ONECUT1: variants seen among roughly 807,000 people sequenced by gnomAD.
ONECUT1 encodes one cut homeobox 1, also known as hepatocyte nuclear factor 6.
A neutral mutation model predicts 25.6 loss-of-function variants in ONECUT1; 12 were observed. The ratio of observed to expected loss-of-function variants is 0.47; its 90% confidence interval spans 0.30 to 0.76. The LOEUF is 0.76. ONECUT1 is among the 30% of genes least tolerant of loss of function. The pLI is 0.07. For synonymous variants in ONECUT1, 285 were observed against 270.2 expected (o/e 1.05, Z -0.54); for missense variants, 620 against 651.2 (o/e 0.95, Z 0.52).
At position 52,782,031 on chromosome 15, in the gene ONECUT1, A is replaced by T. The variant is rs370858569; in HGVS notation, c.1105+6749T>A. Reference sequence around the variant, plus strand: ...ATTGCCTCATCTAAAAGAGAAGAAAATTTCTTTTTTTCTTCAACTTTTATT... The same window carrying T: ...ATTGCCTCATCTAAAAGAGAAGAAATTTTCTTTTTTTCTTCAACTTTTATT... On this transcript the variant is annotated intron_variant, in intron 1 of 1. Coordinates refer to ENST00000305901, the MANE Select transcript of ONECUT1 (RefSeq NM_004498.4). 4.5e-4 allele frequency among the ~76,000 whole-genome samples: 69 copies of T among 152,288 alleles called. No homozygotes were observed. In the East Asian group the frequency reaches 0.01, roughly 23 times the overall value.
Position 52,784,190 on chromosome 15 carries a change from G to T in ONECUT1, c.1105+4590C>A, listed in dbSNP as rs1390940992. Among the ~76,000 whole-genome samples the T allele has an allele frequency of 1.3e-5, 2 of 152,176 alleles. No homozygotes were observed. The highest frequency in any genetic ancestry group is 4.8e-5 in the African/African-American group (2 of 41,436). ...GGAGGGCTCGAGGCTTGCAGATAAG[G>T]AGAGGCGCATCCTGGGATTTGGGTC... is the stretch of plus-strand genomic sequence containing the variant. On this transcript the variant is annotated intron_variant, in intron 1 of 1. Transcript: ENST00000305901. The surrounding 1 kb of genome is among the most constrained non-coding windows in gnomAD (Gnocchi z 5.0).
At chr15:52,780,574 T>C (rs2083834177) in intron 1 of ONECUT1, 1 of 1,534,660 alleles carries the variant, frequency 6.5e-7, no homozygotes. Context: ...GAAAGGACAT[T>C]TAATAGCAAA....
At position 52,789,091 on chromosome 15, in the gene ONECUT1, A is replaced by C; in HGVS notation, c.794T>G (p.Leu265Arg). 6.2e-7 allele frequency: 1 copy of C among 1,601,752 alleles called. No individual in the cohort carries two copies. Among genetic ancestry groups the C allele is most frequent in the African/African-American group, 1.3e-5 (1 of 75,026 alleles). ...AGGGTTGGGCTCCCGGGCTGTGCCC[A>C]GGAGTTGCCCGTGGCCCTGGGCGTT... ...HLNAQGHGQL[L>R]GTAREPNPSV... The change falls in exon 1 of 2, where the codon CTG (leucine) becomes CGG (arginine). Residue 265 changes from leucine (L) to arginine (R), a missense_variant. By Grantham distance (102) the Leu-to-Arg change is moderately radical (BLOSUM62 -2). This residue lies in a region of ONECUT1 where 440 missense variants were observed against 404.9 expected (regional missense o/e 1.09). Coordinates refer to ENST00000305901, the MANE Select transcript of ONECUT1 (RefSeq NM_004498.4). This position sits in a 1 kb window ranked among gnomAD's most constrained non-coding sequence, Gnocchi z 4.1.
intron 1 of ONECUT1, among the ~76,000 whole-genome samples, chr15:52,763,374 A>G (rs1207881741): frequency 5.9e-5 from 9 of 152,040 alleles, no homozygotes; most frequent in Non-Finnish European, 1.2e-4. Flanking sequence ...GGAATAAAAG[A>G]TTATGAAGAA....
rs1230107602 is a variant in ONECUT1 at position 52,788,854 on chromosome 15, C to T, written c.1031G>A (p.Arg344Gln). 2.5e-6 allele frequency: 4 copies of T among 1,614,058 alleles called. No homozygotes were observed. The highest frequency in any genetic ancestry group is 2.7e-5 in the African/African-American group (2 of 74,936). Residue 344 changes from arginine to glutamine, a missense_variant, in exon 1 of 2, where the codon CGG becomes CAG. Around this residue, in one of 4 missense-constraint regions of ONECUT1, gnomAD observed 146 missense variants for 201.8 expected, o/e 0.72. Coordinates refer to ENST00000305901, the MANE Select transcript of ONECUT1 (RefSeq NM_004498.4). The surrounding 1 kb of genome is among the most constrained non-coding windows in gnomAD (Gnocchi z 4.3). ...PKPWSKLKSG[R>Q]ETFRRMWKWL... ...CTTCCACATCCTCCGGAAGGTCTCCCGGCCGGATTTGAGTTTGCTCCAGGG... is the reference window on the plus strand; with the variant it reads ...CTTCCACATCCTCCGGAAGGTCTCCTGGCCGGATTTGAGTTTGCTCCAGGG...
At chr15:52,759,703 G>A (rs1350475610) in intron 1 of ONECUT1, among the ~76,000 whole-genome samples, 5 of 151,998 alleles carry the variant, frequency 3.3e-5, no homozygotes, top group African/African-American at 7.2e-5. Flanking sequence ...GGGCTCAAGC[G>A]ATCCTCTCAC....
chr15:52,770,051 C>G (rs2083757058), intron 1 of ONECUT1, among the ~76,000 whole-genome samples: 1 of 152,182 alleles, frequency 6.6e-6, no homozygotes, highest in African/African-American at 2.4e-5. Context: ...TTTCTTCTGG[C>G]AACTGCCAAG....
chr15:52,785,122 A>G (rs370254479), intron 1 of ONECUT1, among the ~76,000 whole-genome samples: 1 of 152,224 alleles, frequency 6.6e-6, no homozygotes, highest in South Asian at 2.1e-4. Context: ...AGAAGTCTTC[A>G]AGGATTGAAG....
intron 1 of ONECUT1, chr15:52,780,988 A>C (rs1457314099): frequency 6.2e-6 from 5 of 803,536 alleles, no homozygotes; most frequent in African/African-American, 1.8e-5. Context: ...CCCAGCCTAT[A>C]TACTCTGTTT....
intron 1 of ONECUT1, among the ~76,000 whole-genome samples, chr15:52,770,325 C>G (rs1894975058): frequency 6.6e-6 from 1 of 152,244 alleles, no homozygotes; most frequent in African/African-American, 2.4e-5. Flanking sequence ...TGAAAGCTCC[C>G]TCGGTGATTC....
intron 1 of ONECUT1, among the ~76,000 whole-genome samples, chr15:52,774,165 A>ACACG (rs61245090): frequency 6.6e-5 from 10 of 151,240 alleles, no homozygotes; most frequent in African/African-American, 2.4e-4. Flanking sequence ...ACACACACAC[A>ACACG]GAGGGTTATC....
At chr15:52,760,981 C>T (rs1421341534) in intron 1 of ONECUT1, among the ~76,000 whole-genome samples, 1 of 148,840 alleles carries the variant, frequency 6.7e-6, no homozygotes, top group African/African-American at 2.5e-5. Flanking sequence ...AGGTGGCTCT[C>T]GAATTGCCCT....
At chr15:52,783,928 C>A (rs2083857430) in intron 1 of ONECUT1, among the ~76,000 whole-genome samples, 2 of 152,266 alleles carry the variant, frequency 1.3e-5, no homozygotes, top group African/African-American at 4.8e-5. Context: ...AGATATCCTT[C>A]TCTTCCTCCT....
chr15:52,758,353 C>G (rs1343358701), intron 1 of ONECUT1, among the ~76,000 whole-genome samples: 1 of 152,154 alleles, frequency 6.6e-6, no homozygotes. Flanking sequence ...TATTAAGAGC[C>G]TAATCAGAGT....
chr15:52,782,668 G>GT (rs1344890121), intron 1 of ONECUT1, among the ~76,000 whole-genome samples: 2 of 152,134 alleles, frequency 1.3e-5, no homozygotes, highest in African/African-American at 4.8e-5. Context: ...CACAACTTCA[G>GT]TAACACCTTC....
At chr15:52,772,105 C>T (rs1441526046) in intron 1 of ONECUT1, among the ~76,000 whole-genome samples, 3 of 152,062 alleles carry the variant, frequency 2.0e-5, no homozygotes, top group African/African-American at 4.8e-5. Context: ...GAAAAAAAAG[C>T]GAGATGTGGC....
intron 1 of ONECUT1, among the ~76,000 whole-genome samples, chr15:52,760,363 C>T (rs1240649847): frequency 6.6e-6 from 1 of 152,108 alleles, no homozygotes; most frequent in Admixed American, 6.5e-5. Flanking sequence ...TGAGTCAGCC[C>T]GTGTGGACAC....
At chr15:52,778,430 T>TATA (rs765622792) in intron 1 of ONECUT1, among the ~76,000 whole-genome samples, 1 of 152,240 alleles carries the variant, frequency 6.6e-6, no homozygotes, top group Non-Finnish European at 1.5e-5. Flanking sequence ...TGAATTTACC[T>TATA]ATAATATATG....
Position 52,777,235 on chromosome 15 carries a change from T to C in ONECUT1, c.1105+11545A>G, listed in dbSNP as rs747706552. On this transcript the variant is annotated intron_variant, in intron 1 of 1. Coordinates refer to ENST00000305901, the MANE Select transcript of ONECUT1 (RefSeq NM_004498.4). ...AGCTATAGGTTATTCCAGAAGTAAG[T>C]AGGAAAAGGGAGTAAAAATAAGAGT... Among the ~76,000 whole-genome samples the C allele has an allele frequency of 2.0e-5, 3 of 152,102 alleles. No individual in the cohort carries two copies. In the East Asian group the frequency reaches 5.8e-4, roughly 29 times the overall value.
Sources: gnomAD v4.1 joint callset for allele counts (sites outside exome capture counted in the v4.1 genomes callset) on GRCh38, gnomAD v4.1.1 for gene constraint, gnomAD v4.1.1 regional missense constraint, Gnocchi (gnomAD v3.1) non-coding constraint, MANE v1.5 for transcripts, NCBI Gene and HGNC (gene_info 2026-07-23, HGNC 2026-07-21) for gene names.